The following DYM variants were observed in gnomAD, a reference collection of about 807,000 sequenced individuals.
DYM encodes dymeclin, also known as dyggve-Melchior-Clausen syndrome protein.
A neutral mutation model predicts 93.1 loss-of-function variants in DYM; 78 were observed. The observed-to-expected ratio is 0.84, with a 90% CI of 0.70 to 1.01. DYM has a LOEUF of 1.01. DYM is among the 50% of genes least tolerant of loss of function. The probability of loss-of-function intolerance (pLI) is 0.00; values close to 1 mark genes in which losing one functional copy is unlikely to be tolerated. For synonymous variants in DYM, 321 were observed against 319.7 expected (o/e 1.00, Z -0.04); for missense variants, 789 against 845.0 (o/e 0.93, Z 0.82).
chr18:49,440,902 TA>T (rs1424161227), intron 1 of DYM, among the ~76,000 whole-genome samples: 5 of 44,058 alleles, frequency 1.1e-4, no homozygotes, highest in African/African-American at 2.1e-4. Flanking sequence ...TATATTTATA[TA>T]AATATATTAT....
intron 13 of DYM, among the ~76,000 whole-genome samples, chr18:49,256,633 TG>T (rs986865265): frequency 1.3e-5 from 2 of 152,238 alleles, no homozygotes; most frequent in Non-Finnish European, 2.9e-5. Context: ...ACGGGTGAAC[TG>T]CTATAAAAAT....
chr18:49,200,965 T>G (rs548199470), intron 14 of DYM, among the ~76,000 whole-genome samples: 1 of 152,318 alleles, frequency 6.6e-6, no homozygotes, highest in South Asian at 2.1e-4. Context: ...CGCCATTCTT[T>G]GTATTGCATT....
intron 17 of DYM, among the ~76,000 whole-genome samples, chr18:49,080,593 AC>A (rs1248840099): frequency 3.1e-5 from 3 of 97,312 alleles, no homozygotes; most frequent in Non-Finnish European, 6.0e-5. Context: ...GCGGGGGCTG[AC>A]CCCCCCACCT....
intron 14 of DYM, among the ~76,000 whole-genome samples, chr18:49,166,782 G>A (rs1396640431): frequency 6.6e-6 from 1 of 152,012 alleles, no homozygotes; most frequent in Non-Finnish European, 1.5e-5. Flanking sequence ...TGCACAAGGT[G>A]TGGCAAGACT....
intron 14 of DYM, among the ~76,000 whole-genome samples, chr18:49,181,636 A>G (rs1228652387): frequency 6.6e-6 from 1 of 152,136 alleles, no homozygotes; most frequent in Non-Finnish European, 1.5e-5. Flanking sequence ...TGAATTTTGG[A>G]GCATTTTGGA....
intron 14 of DYM, among the ~76,000 whole-genome samples, chr18:49,168,796 C>T (rs1373619891): frequency 6.6e-6 from 1 of 152,104 alleles, no homozygotes; most frequent in Non-Finnish European, 1.5e-5. Flanking sequence ...GTGCATTCCA[C>T]AGAGGAAATC....
rs905693772 is a variant in DYM at position 49,042,905 on chromosome 18, C to T, written c.*1150G>A. 1.3e-5 allele frequency: 2 copies of T among 152,176 alleles called. No homozygotes were observed. Among genetic ancestry groups the T allele is most frequent in the Admixed American group, 6.5e-5 (1 of 15,284 alleles). 9.4% of individuals were successfully genotyped at this position (152,176 alleles called of 1,614,324 possible). A position where few individuals can be genotyped will look rare whatever the true frequency, so the allele number is the denominator to read the frequency against. On this transcript the variant is annotated 3_prime_UTR_variant, in exon 18 of 18. Coordinates refer to ENST00000675505, the MANE Select transcript of DYM (RefSeq NM_001353214.3). ...AGAGCAAAACATGCTTTTCATCCCACGTGGAATACAGTATGAACAAATTAC... is the reference window on the plus strand; with the variant it reads ...AGAGCAAAACATGCTTTTCATCCCATGTGGAATACAGTATGAACAAATTAC...
At chr18:49,292,595 A>G (rs2060219311) in intron 8 of DYM, among the ~76,000 whole-genome samples, 5 of 2,424 alleles carry the variant, frequency 2.1e-3, no homozygotes, top group African/African-American at 4.4e-3. Context: ...CCTGTTGGAA[A>G]AAAAAAAAAA....
intron 1 of DYM, among the ~76,000 whole-genome samples, chr18:49,440,387 ATATATAATATAGCATATTATATATGC>A (rs1161763498): frequency 0.019 from 2,441 of 125,814 alleles, 193 homozygotes; most frequent in African/African-American, 0.068. Flanking sequence ...ATTATATATG[ATATATAATATAGCATATTATATATGC>A]TATATAATAT....
chr18:49,148,142 A>G (rs1421315506), intron 15 of DYM, among the ~76,000 whole-genome samples: 1 of 152,118 alleles, frequency 6.6e-6, no homozygotes, highest in South Asian at 2.1e-4. Flanking sequence ...GAATTGAACA[A>G]TGAGAACACA....
At position 49,072,053 on chromosome 18, in the gene DYM, T is replaced by C. The variant is rs79079419; in HGVS notation, c.2025+25349A>G. 4.2e-3 allele frequency among the ~76,000 whole-genome samples: 646 copies of C among 152,354 alleles called. 23 individuals are homozygous for C. The East Asian group carries it at 0.079, about 19-fold the overall frequency. ...ACAGAATGCCCTGCTAGTCAGATTT[T>C]GTTTTACAAAATGAAATGATTCAGT... On this transcript the variant is annotated intron_variant, in intron 17 of 17. Transcript: ENST00000675505.
At chr18:49,182,456 T>C (rs1294729991) in intron 14 of DYM, among the ~76,000 whole-genome samples, 2 of 152,226 alleles carry the variant, frequency 1.3e-5, no homozygotes, top group East Asian at 3.8e-4. Context: ...GCTTCAAATG[T>C]GTATGTTATA....
chr18:49,282,739 G>T (rs946782239), intron 9 of DYM, among the ~76,000 whole-genome samples: 1 of 152,126 alleles, frequency 6.6e-6, no homozygotes. Flanking sequence ...TAAATAAACA[G>T]AATTATGAGC....
At chr18:49,372,026 A>G (rs570359681) in intron 5 of DYM, among the ~76,000 whole-genome samples, 1 of 152,362 alleles carries the variant, frequency 6.6e-6, no homozygotes, top group African/African-American at 2.4e-5. Context: ...ATAAGCCAAC[A>G]TACCTAAGAT....
chr18:49,382,636 A>C (rs1023135490), intron 3 of DYM, among the ~76,000 whole-genome samples: 1 of 150,462 alleles, frequency 6.6e-6, no homozygotes, highest in African/African-American at 2.5e-5. Flanking sequence ...ACGAAGTTCA[A>C]ATCTCAGTTC....
At chr18:49,153,364 C>G (rs533626564) in intron 15 of DYM, among the ~76,000 whole-genome samples, 3 of 152,156 alleles carry the variant, frequency 2.0e-5, no homozygotes, top group African/African-American at 7.2e-5. Context: ...GGGATGTTCA[C>G]CAATTTTATT....
intron 6 of DYM, among the ~76,000 whole-genome samples, chr18:49,345,155 C>T (rs2064473417): frequency 6.6e-6 from 1 of 152,170 alleles, no homozygotes; most frequent in South Asian, 2.1e-4. Flanking sequence ...GGAAGCTCTA[C>T]TACCCTTTGC....
intron 1 of DYM, among the ~76,000 whole-genome samples, chr18:49,445,593 A>G (rs370517013): frequency 3.9e-5 from 6 of 152,224 alleles, no homozygotes. Context: ...ATTTTAATAT[A>G]TTAATAGTAA....
intron 10 of DYM, among the ~76,000 whole-genome samples, chr18:49,278,678 G>A (rs1337185794): frequency 1.3e-5 from 2 of 152,110 alleles, no homozygotes; most frequent in African/African-American, 4.8e-5. Context: ...GATATGTTGA[G>A]AGCTGCTGGT....
Sources: allele counts gnomAD v4.1 joint callset (sites outside exome capture counted in the v4.1 genomes callset), GRCh38; gene constraint gnomAD v4.1.1; transcripts MANE v1.5; gene names NCBI Gene and HGNC (gene_info 2026-07-23, HGNC 2026-07-21).